IFT56: variants seen among roughly 807,000 people sequenced by gnomAD.
IFT56 encodes the protein intraflagellar transport protein 56.
At chr7:139,155,898 G>C in the IFT56 span, among the ~76,000 whole-genome samples, 2 of 151,932 alleles carry the variant, frequency 1.3e-5, no homozygotes, top group Non-Finnish European at 2.9e-5. Context: ...ATCTGGGCCT[G>C]GGCTTTTTAT....
chr7:139,139,513 G>T, the IFT56 span, among the ~76,000 whole-genome samples: 1 of 152,110 alleles, frequency 6.6e-6, no homozygotes, highest in Non-Finnish European at 1.5e-5. Context: ...ATGAAACTTG[G>T]AGTGTATTAA....
At chr7:139,181,127 CT>C in the IFT56 span, 3 of 1,612,382 alleles carry the variant, frequency 1.9e-6, no homozygotes, top group South Asian at 3.3e-5. Flanking sequence ...AGCCTGGGAA[CT>C]TTATCTTAAG....
chr7:139,180,896 C>A, the IFT56 span, among the ~76,000 whole-genome samples: 5 of 152,224 alleles, frequency 3.3e-5, no homozygotes, highest in South Asian at 1.0e-3. Flanking sequence ...TATGTGACTC[C>A]TAACTTAAAT....
chr7:139,183,738 G>A, the IFT56 span, among the ~76,000 whole-genome samples: 169 of 150,720 alleles, frequency 1.1e-3, 1 homozygote, highest in Admixed American at 2.8e-3. Context: ...CTTACCATAT[G>A]ACCCAGCAAT....
the IFT56 span, among the ~76,000 whole-genome samples, chr7:139,157,074 T>C: frequency 6.6e-6 from 1 of 152,148 alleles, no homozygotes; most frequent in Non-Finnish European, 1.5e-5. Context: ...TAATTGATAG[T>C]TTTAAATTAA....
chr7:139,173,066 G>C, the IFT56 span: 1 of 732,190 alleles, frequency 1.4e-6, no homozygotes, highest in Non-Finnish European at 2.6e-6. Flanking sequence ...TCAGCTTTGC[G>C]CCTTTTGTGG....
At chr7:139,163,482 T>A in the IFT56 span, among the ~76,000 whole-genome samples, 1 of 152,206 alleles carries the variant, frequency 6.6e-6, no homozygotes, top group Non-Finnish European at 1.5e-5. Flanking sequence ...GATTAATTTG[T>A]GACTCCTAAG....
chr7:139,187,116 A>AT, the IFT56 span, among the ~76,000 whole-genome samples: 20 of 151,790 alleles, frequency 1.3e-4, no homozygotes, highest in African/African-American at 4.6e-4. Flanking sequence ...AAAAAAAAAA[A>AT]AAAAAAAGTG....
At chr7:139,173,766 G>A in the IFT56 span, 6 of 759,068 alleles carry the variant, frequency 7.9e-6, no homozygotes, top group African/African-American at 1.0e-4. Flanking sequence ...TATGATGTTG[G>A]TCTGGCATGA....
At chr7:139,139,031 C>T in the IFT56 span, among the ~76,000 whole-genome samples, 1 of 152,072 alleles carries the variant, frequency 6.6e-6, no homozygotes, top group African/African-American at 2.4e-5. Context: ...CCAGGATGGT[C>T]TCGATCTCCT....
At chr7:139,154,647 A>G in the IFT56 span, among the ~76,000 whole-genome samples, 1 of 152,184 alleles carries the variant, frequency 6.6e-6, no homozygotes. Flanking sequence ...AGTTTATCAT[A>G]GACAAATGGA....
the IFT56 span, among the ~76,000 whole-genome samples, chr7:139,152,377 T>C: frequency 2.0e-5 from 3 of 152,222 alleles, no homozygotes; most frequent in African/African-American, 4.8e-5. Flanking sequence ...TCCTTCCACC[T>C]TGGGCACCCA....
chr7:139,148,332 T>G, the IFT56 span: 1 of 1,613,862 alleles, frequency 6.2e-7, no homozygotes, highest in Non-Finnish European at 8.5e-7. Flanking sequence ...CACTCAATCT[T>G]AAAGCCTGTA....
the IFT56 span, chr7:139,160,823 A>G: frequency 1.6e-6 from 1 of 631,038 alleles, no homozygotes; most frequent in Non-Finnish European, 2.7e-6. Flanking sequence ...ACATTGACCT[A>G]GAGTCATGAG....
At chr7:139,191,220 A>T in the IFT56 span, 1 of 152,236 alleles carries the variant, frequency 6.6e-6, no homozygotes, top group African/African-American at 2.4e-5. Flanking sequence ...TCTAGGAAGC[A>T]AAGCTACATC....
chr7:139,148,136 T>G, the IFT56 span: 2 of 1,423,404 alleles, frequency 1.4e-6, no homozygotes, highest in Non-Finnish European at 1.9e-6. Context: ...CCTTGTCCAT[T>G]TGAGCTTTGT....
At chr7:139,140,499 G>A in the IFT56 span, among the ~76,000 whole-genome samples, 1 of 152,070 alleles carries the variant, frequency 6.6e-6, no homozygotes, top group Non-Finnish European at 1.5e-5. Context: ...GTTAAAGATG[G>A]CTGGGTGCGG....
At chr7:139,186,797 C>T in the IFT56 span, among the ~76,000 whole-genome samples, 908 of 152,162 alleles carry the variant, frequency 6.0e-3, 16 homozygotes, top group Non-Finnish European at 8.1e-3. Flanking sequence ...GAAGAAAAGG[C>T]AAAAGTGCTG....
the IFT56 span, among the ~76,000 whole-genome samples, chr7:139,187,885 A>T: frequency 1.4e-5 from 2 of 146,774 alleles, no homozygotes; most frequent in African/African-American, 2.5e-5. Flanking sequence ...TTACTCTTCT[A>T]CTCTTTTGGG....
Sources: allele counts gnomAD v4.1 joint callset (sites outside exome capture counted in the v4.1 genomes callset), GRCh38; gene constraint gnomAD v4.1.1; transcripts MANE v1.5; gene names NCBI Gene and HGNC (gene_info 2026-07-23, HGNC 2026-07-21).